The following GPC6 variants were observed in gnomAD, a reference collection of about 807,000 sequenced individuals.
GPC6 encodes the protein glypican 6.
Under a neutral mutation model 55.2 loss-of-function variants are expected in GPC6, and 14 were observed. That is an observed-to-expected ratio of 0.25 (90% confidence interval 0.17 to 0.40). GPC6 has a LOEUF of 0.40. Among genes scored for constraint, GPC6 ranks in the 10% least tolerant of loss-of-function variants. The pLI, the probability that GPC6 is intolerant of heterozygous loss-of-function variation, is 1.00. For missense variants in GPC6, 641 were observed against 708.5 expected (o/e 0.90, Z 1.08); for synonymous variants, 278 against 259.6 (o/e 1.07, Z -0.68).
At chr13:93,350,186 G>A (rs1226330967) in intron 1 of GPC6, among the ~76,000 whole-genome samples, 2 of 152,164 alleles carry the variant, frequency 1.3e-5, no homozygotes, top group African/African-American at 4.8e-5. Context: ...TGTAACCCCA[G>A]CACTTTGGAA....
chr13:93,913,310 TCTCA>T (rs1416743074), intron 3 of GPC6, among the ~76,000 whole-genome samples: 1 of 152,172 alleles, frequency 6.6e-6, no homozygotes, highest in African/African-American at 2.4e-5. Flanking sequence ...CAGCCCTTGG[TCTCA>T]CTCCCTTTGC....
At chr13:94,117,488 AG>A (rs1341929007) in intron 4 of GPC6, among the ~76,000 whole-genome samples, 2 of 152,128 alleles carry the variant, frequency 1.3e-5, no homozygotes, top group African/African-American at 4.8e-5. Flanking sequence ...TAGGGCTTAG[AG>A]AACAATTACC....
intron 3 of GPC6, among the ~76,000 whole-genome samples, chr13:93,944,687 A>G (rs1878914294): frequency 6.6e-6 from 1 of 152,180 alleles, no homozygotes; most frequent in Non-Finnish European, 1.5e-5. Context: ...ATTTCAAGGA[A>G]TTTGTTAGTT....
chr13:94,112,109 G>A (rs980734974), intron 4 of GPC6, among the ~76,000 whole-genome samples: 3 of 152,024 alleles, frequency 2.0e-5, no homozygotes, highest in African/African-American at 7.2e-5. Flanking sequence ...ATATTCACTA[G>A]ACATTTGCTG....
chr13:93,592,439 C>T (rs1379693296), intron 2 of GPC6, among the ~76,000 whole-genome samples: 1 of 148,054 alleles, frequency 6.8e-6, no homozygotes. Flanking sequence ...TTAGTAGAGA[C>T]GGGGTTTCAC....
chr13:93,498,141 A>G (rs1194900880), intron 1 of GPC6, among the ~76,000 whole-genome samples: 3 of 152,080 alleles, frequency 2.0e-5, no homozygotes, highest in Admixed American at 1.3e-4. Flanking sequence ...TAATTTGCCA[A>G]TTTGTTTCTC....
chr13:94,298,327 C>A (rs1875452913), intron 5 of GPC6, among the ~76,000 whole-genome samples: 1 of 152,078 alleles, frequency 6.6e-6, no homozygotes, highest in Non-Finnish European at 1.5e-5. Flanking sequence ...GTGAATGCTC[C>A]CAGGCACACA....
chr13:93,322,593 T>C (rs1879494188), intron 1 of GPC6, among the ~76,000 whole-genome samples: 1 of 151,628 alleles, frequency 6.6e-6, no homozygotes, highest in South Asian at 2.1e-4. Context: ...CCCGCCACCA[T>C]GCCCAGCTAA....
intron 1 of GPC6, among the ~76,000 whole-genome samples, chr13:93,430,704 A>G (rs2139273829): frequency 6.6e-6 from 1 of 152,242 alleles, no homozygotes; most frequent in Non-Finnish European, 1.5e-5. Context: ...CTCCTTAAAA[A>G]TCCTTCTTAT....
the GPC6 span, among the ~76,000 whole-genome samples, chr13:93,216,895 C>G: frequency 6.6e-6 from 1 of 152,078 alleles, no homozygotes; most frequent in Non-Finnish European, 1.5e-5. Context: ...TTTCTTATAC[C>G]TGAGTTTGTG....
At chr13:93,811,505 A>G (rs1425093650) in intron 2 of GPC6, among the ~76,000 whole-genome samples, 2 of 152,138 alleles carry the variant, frequency 1.3e-5, no homozygotes, top group African/African-American at 4.8e-5. Context: ...GGTTAAGAAA[A>G]TGTTCTTAGA....
At chr13:94,073,623 T>G (rs557431260) in intron 4 of GPC6, among the ~76,000 whole-genome samples, 1 of 152,140 alleles carries the variant, frequency 6.6e-6, no homozygotes, top group Non-Finnish European at 1.5e-5. Context: ...AGGTGTCAGA[T>G]TACACGGAGA....
chr13:93,966,101 G>C (rs1880028133), intron 3 of GPC6, among the ~76,000 whole-genome samples: 1 of 152,190 alleles, frequency 6.6e-6, no homozygotes, highest in Non-Finnish European at 1.5e-5. Context: ...GTCATAGACT[G>C]AGTTAAATTA....
chr13:94,024,344 G>C (rs1300471481), intron 3 of GPC6, among the ~76,000 whole-genome samples: 5 of 152,060 alleles, frequency 3.3e-5, no homozygotes, highest in African/African-American at 9.7e-5. Context: ...AGATTTTAAA[G>C]AGTATCTATT....
chr13:94,018,654 C>T (rs1050210033), intron 3 of GPC6, among the ~76,000 whole-genome samples: 7 of 152,104 alleles, frequency 4.6e-5, no homozygotes, highest in Non-Finnish European at 8.8e-5. Context: ...ACTTTTTAGT[C>T]AACATATATA....
At chr13:93,925,501 C>G (rs966360862) in intron 3 of GPC6, among the ~76,000 whole-genome samples, 1 of 152,052 alleles carries the variant, frequency 6.6e-6, no homozygotes, top group African/African-American at 2.4e-5. Flanking sequence ...CTGTTCTTGC[C>G]TTGAAATGGA....
At chr13:94,157,463 GA>G (rs1266886293) in intron 4 of GPC6, among the ~76,000 whole-genome samples, 1 of 152,116 alleles carries the variant, frequency 6.6e-6, no homozygotes, top group Non-Finnish European at 1.5e-5. Flanking sequence ...AGTGGGAGTA[GA>G]AATAGCCGTG....
chr13:94,119,317 A>G (rs1886545531), intron 4 of GPC6, among the ~76,000 whole-genome samples: 1 of 152,100 alleles, frequency 6.6e-6, no homozygotes, highest in Admixed American at 6.6e-5. Flanking sequence ...AGTGCTCTGA[A>G]GAAAAATAAA....
intron 4 of GPC6, among the ~76,000 whole-genome samples, chr13:94,258,923 A>T (rs1891579843): frequency 1.3e-5 from 2 of 152,194 alleles, no homozygotes; most frequent in Non-Finnish European, 2.9e-5. Flanking sequence ...ACAGAGATGT[A>T]ACAAGGGTGG....
Sources: allele counts gnomAD v4.1 joint callset (sites outside exome capture counted in the v4.1 genomes callset), GRCh38; gene constraint gnomAD v4.1.1; transcripts MANE v1.5; gene names NCBI Gene and HGNC (gene_info 2026-07-23, HGNC 2026-07-21).